Variants in POLR2B observed in about 807,000 individuals in gnomAD.
POLR2B encodes the protein RNA polymerase II subunit B.
A neutral mutation model predicts 144.6 loss-of-function variants in POLR2B; 57 were observed. The observed-to-expected ratio is 0.39, with a 90% CI of 0.32 to 0.49. The LOEUF (loss-of-function observed/expected upper bound fraction) is 0.49. Ranked by LOEUF, POLR2B falls within the 20% of genes least tolerant of loss-of-function variation. The probability of loss-of-function intolerance (pLI) is 0.83; values close to 1 mark genes in which losing one functional copy is unlikely to be tolerated. For missense variants in POLR2B, 595 were observed against 1,467.4 expected (o/e 0.41, Z 9.71); for synonymous variants, 442 against 469.8 (o/e 0.94, Z 0.77).
intron 3 of POLR2B, among the ~76,000 whole-genome samples, chr4:56,991,933 T>A (rs1722519146): frequency 6.6e-6 from 1 of 152,118 alleles, no homozygotes; most frequent in Admixed American, 6.6e-5. Flanking sequence ...GCTGAGATTA[T>A]AGGCATGAGC....
Position 56,994,763 on chromosome 4 carries a change from C to G in POLR2B, c.473C>G (p.Ser158Ter). ...FIGKIPIMLR[S>*]TYCLLNGLTD... The stretch of plus-strand genomic sequence containing the variant: ...GGAAAAATTCCAATTATGTTGCGGT[C>G]AACTTACTGCCTTTTGAATGGCTTG... The change falls in exon 5 of 25, where the codon TCA becomes TGA. Residue 158 changes from serine (S) to a stop codon, truncating the protein, a stop_gained. Coordinates refer to ENST00000314595, the MANE Select transcript of POLR2B (RefSeq NM_000938.3). LOFTEE classifies it high-confidence loss of function. 6.2e-7 allele frequency: 1 copy of G among 1,613,480 alleles called. No homozygotes were observed. The highest frequency in any genetic ancestry group is 8.5e-7 in the Non-Finnish European group (1 of 1,179,546).
chr4:57,018,803 GA>G (rs1723445187), intron 16 of POLR2B, among the ~76,000 whole-genome samples: 1 of 152,206 alleles, frequency 6.6e-6, no homozygotes, highest in African/African-American at 2.4e-5. Context: ...GAGAAATTAA[GA>G]GAGAAGATTT....
In POLR2B at chr4:57,025,410, A is replaced by G; in HGVS notation, c.3112A>G (p.Thr1038Ala). ...LYNGFTGRKI[T>A]SQIFIGPTYY... The stretch of plus-strand genomic sequence containing the variant: ...CAATGGGTTCACTGGTCGAAAAATC[A>G]CATCACAAATATTTATTGGCCCCAC... The change falls in exon 23 of 25, where the codon ACA becomes GCA. Residue 1038 changes from threonine to alanine, a missense_variant. This residue lies in a region of POLR2B where 65 missense variants were observed against 282.8 expected (regional missense o/e 0.23). Coordinates refer to ENST00000314595, the MANE Select transcript of POLR2B (RefSeq NM_000938.3). 6.2e-7 allele frequency: 1 copy of G among 1,613,648 alleles called. No individual in the cohort carries two copies. Among genetic ancestry groups the G allele is most frequent in the Non-Finnish European group, 8.5e-7 (1 of 1,179,536 alleles).
intron 1 of POLR2B, chr4:56,985,188 T>C (rs764335378): frequency 4.0e-5 from 15 of 379,474 alleles, no homozygotes; most frequent in Non-Finnish European, 5.4e-5. Context: ...TTTCTCAGTA[T>C]GTAGCAGCCT....
chr4:57,011,534 T>TA (rs1253013313), intron 13 of POLR2B, among the ~76,000 whole-genome samples: 63 of 144,152 alleles, frequency 4.4e-4, no homozygotes, highest in African/African-American at 1.4e-3. Flanking sequence ...TCTCAAAAAA[T>TA]AAAAAAAAGC....
intron 23 of POLR2B, among the ~76,000 whole-genome samples, chr4:57,025,850 T>C (rs960772323): frequency 6.6e-6 from 1 of 152,162 alleles, no homozygotes. Flanking sequence ...AAATTAATAT[T>C]GTCTCTTAAG....
intron 7 of POLR2B, among the ~76,000 whole-genome samples, chr4:57,001,052 T>C (rs1722836511): frequency 6.6e-6 from 1 of 152,236 alleles, no homozygotes; most frequent in South Asian, 2.1e-4. Flanking sequence ...AGTAATAAGA[T>C]CTGTACATTA....
Position 57,017,063 on chromosome 4 carries a change from G to A in POLR2B, c.1976G>A (p.Ser659Asn). The stretch of plus-strand genomic sequence containing the variant: ...TTTAGTTGGCAGGATCTTGTGGCCA[G>A]TGGGGTAGTGGAGTATATTGATACC... The part of the protein sequence containing the change: ...NNYSWQDLVA[S>N]GVVEYIDTLE... Residue 659 changes from serine (S) to asparagine (N), a missense_variant, in exon 15 of 25, where the codon AGT (serine) becomes AAT (asparagine). Physicochemically the swap from Ser to Asn is conservative, Grantham distance 46 (BLOSUM62 1). Around this residue, in one of 9 missense-constraint regions of POLR2B, gnomAD observed 59 missense variants for 84.2 expected, o/e 0.70. Transcript: ENST00000314595. This position sits in a 1 kb window ranked among gnomAD's most constrained non-coding sequence, Gnocchi z 4.8. 1 of 1,591,808 alleles carries A rather than the reference G, an allele frequency of 6.3e-7. No individual in the cohort carries two copies. The highest frequency in any genetic ancestry group is 1.7e-4 in the Middle Eastern group (1 of 5,986).
intron 9 of POLR2B, among the ~76,000 whole-genome samples, chr4:57,006,291 T>C (rs1723015901): frequency 6.6e-6 from 1 of 152,198 alleles, no homozygotes; most frequent in Non-Finnish European, 1.5e-5. Flanking sequence ...ATTGCCCCAC[T>C]AAGGAGCCTC....
intron 2 of POLR2B, among the ~76,000 whole-genome samples, chr4:56,989,848 A>G (rs564528007): frequency 2.0e-4 from 31 of 152,252 alleles, no homozygotes; most frequent in Middle Eastern, 3.4e-3. Context: ...ATCCTCTTGC[A>G]CGTGTATCTA....
intron 2 of POLR2B, among the ~76,000 whole-genome samples, chr4:56,990,129 C>T (rs932414987): frequency 1.3e-5 from 2 of 152,092 alleles, no homozygotes; most frequent in Non-Finnish European, 2.9e-5. Context: ...AATGAAAGTT[C>T]TTATTGTTAT....
intron 13 of POLR2B, among the ~76,000 whole-genome samples, chr4:57,014,846 A>C (rs1723316537): frequency 6.6e-6 from 1 of 152,168 alleles, no homozygotes. Context: ...CCAAAGTATT[A>C]CATCAACATT....
chr4:57,023,166 G>A lies in POLR2B; in HGVS notation c.2516-164G>A, dbSNP rs1718862. On this transcript the variant is annotated intron_variant, in intron 18 of 24. Transcript: ENST00000314595. This position sits in a 1 kb window ranked among gnomAD's most constrained non-coding sequence, Gnocchi z 4.3. ...ACTTTTTTTTTTGTTTTCTGTGTGGGCTGTAGTATTAGAGTTCAGAATAGT... is the reference window on the plus strand; with the variant it reads ...ACTTTTTTTTTTGTTTTCTGTGTGGACTGTAGTATTAGAGTTCAGAATAGT... 0.89 allele frequency: 534,955 copies of A among 600,816 alleles called. 238,531 individuals carry two copies. The highest frequency in any genetic ancestry group is 0.98 in the East Asian group (34,282 of 35,094). 37.2% of individuals were successfully genotyped at this position (600,816 alleles called of 1,614,324 possible). A position where few individuals can be genotyped will look rare whatever the true frequency, so the allele number is the denominator to read the frequency against.
chr4:56,998,152 G>T (rs907950100), intron 6 of POLR2B, among the ~76,000 whole-genome samples: 59 of 152,240 alleles, frequency 3.9e-4, no homozygotes, highest in African/African-American at 1.3e-3. Context: ...ATTTAGGAGA[G>T]AACATAATAA....
At chr4:56,992,755 G>C (rs941813262) in intron 3 of POLR2B, among the ~76,000 whole-genome samples, 2 of 151,032 alleles carry the variant, frequency 1.3e-5, no homozygotes, top group African/African-American at 4.9e-5. Flanking sequence ...GTAGAGACAG[G>C]GTTTTGCCGT....
At chr4:57,024,648 T>G (rs1723658826) in intron 21 of POLR2B, among the ~76,000 whole-genome samples, 1 of 152,188 alleles carries the variant, frequency 6.6e-6, no homozygotes, top group Non-Finnish European at 1.5e-5. Flanking sequence ...GTTTTTCTTT[T>G]TTAAGCAAGT....
At chr4:57,026,714 T>A (rs1723731008) in intron 23 of POLR2B, among the ~76,000 whole-genome samples, 1 of 151,740 alleles carries the variant, frequency 6.6e-6, no homozygotes, top group African/African-American at 2.4e-5. Flanking sequence ...TGAGCCAAGA[T>A]CGTGCCACTG....
At chr4:57,019,746 G>GT (rs71208971) in intron 16 of POLR2B, among the ~76,000 whole-genome samples, 54,311 of 143,380 alleles carry the variant, frequency 0.38, 10,256 homozygotes, top group South Asian at 0.48. Context: ...TTTGCCAGTT[G>GT]TCCTAATGAT....
At chr4:56,998,135 G>A (rs566411778) in intron 6 of POLR2B, among the ~76,000 whole-genome samples, 8 of 152,288 alleles carry the variant, frequency 5.3e-5, no homozygotes, top group African/African-American at 1.2e-4. Flanking sequence ...TGAACTTCGA[G>A]TAACTGATTT....
Sources: gnomAD v4.1 joint callset for allele counts (sites outside exome capture counted in the v4.1 genomes callset) on GRCh38, gnomAD v4.1.1 for gene constraint, gnomAD v4.1.1 regional missense constraint, Gnocchi (gnomAD v3.1) non-coding constraint, MANE v1.5 for transcripts, NCBI Gene and HGNC (gene_info 2026-07-23, HGNC 2026-07-21) for gene names.